Variants in NRIP1 observed in about 807,000 individuals in gnomAD.
NRIP1 encodes nuclear receptor-interacting protein 1.
In NRIP1, 28 loss-of-function variants were observed where a neutral mutation model predicts 75.0. The observed-to-expected ratio is 0.37, with a 90% CI of 0.28 to 0.51. The LOEUF (loss-of-function observed/expected upper bound fraction) is 0.51, where lower values mean the gene tolerates loss of function less well. NRIP1 is among the 20% of genes least tolerant of loss of function. The pLI is 0.92. For synonymous variants in NRIP1, 526 were observed against 487.6 expected (o/e 1.08, Z -1.04); for missense variants, 1,435 against 1,343.7 (o/e 1.07, Z -1.06).
chr21:15,048,568 A>G (rs557939352), intron 1 of NRIP1, among the ~76,000 whole-genome samples: 1 of 152,326 alleles, frequency 6.6e-6, no homozygotes, highest in Admixed American at 6.5e-5. Context: ...TAAAGGAAAA[A>G]CAAAAAGCAT....
At chr21:15,046,540 A>C (rs1489729245) in intron 1 of NRIP1, among the ~76,000 whole-genome samples, 1 of 152,186 alleles carries the variant, frequency 6.6e-6, no homozygotes, top group African/African-American at 2.4e-5. Flanking sequence ...TAAGGGGCTT[A>C]GGATTTTTGG....
At chr21:15,038,876 G>A (rs1419270605) in intron 2 of NRIP1, among the ~76,000 whole-genome samples, 1 of 152,054 alleles carries the variant, frequency 6.6e-6, no homozygotes, top group African/African-American at 2.4e-5. Flanking sequence ...CCTCAGACTA[G>A]CTTCTTCAGA....
intron 3 of NRIP1, among the ~76,000 whole-genome samples, chr21:15,006,257 T>C (rs2087969818): frequency 6.6e-6 from 1 of 152,172 alleles, no homozygotes; most frequent in Non-Finnish European, 1.5e-5. Flanking sequence ...AACATCAGCA[T>C]GACATTTGAT....
chr21:14,986,104 T>C (rs911329961), intron 3 of NRIP1, among the ~76,000 whole-genome samples: 6 of 152,322 alleles, frequency 3.9e-5, no homozygotes, highest in Admixed American at 2.6e-4. Flanking sequence ...TGCCAAAGAA[T>C]TTGAGCCCTT....
At chr21:15,003,078 G>A (rs2087885930) in intron 3 of NRIP1, among the ~76,000 whole-genome samples, 1 of 151,834 alleles carries the variant, frequency 6.6e-6, no homozygotes, top group African/African-American at 2.4e-5. Flanking sequence ...ATTTTCACTT[G>A]GCTTATTTTT....
intron 2 of NRIP1, among the ~76,000 whole-genome samples, chr21:15,039,646 C>T (rs2088910757): frequency 2.6e-5 from 4 of 152,006 alleles, no homozygotes; most frequent in South Asian, 4.1e-4. Flanking sequence ...TGTAAACTTC[C>T]CTATTTTATT....
chr21:15,031,289 G>A lies in NRIP1; in HGVS notation c.-458+12206C>T, dbSNP rs62220723. The stretch of plus-strand genomic sequence containing the variant: ...TCTATGTGTATACACTCTGGAAGGC[G>A]GTTGGAGGTTCACCACATTCCCTTT... On this transcript the variant is annotated intron_variant, in intron 2 of 3. Transcript: ENST00000318948. 2.0e-3 allele frequency among the ~76,000 whole-genome samples: 289 copies of A among 146,602 alleles called. 2 individuals carry two copies. Among genetic ancestry groups the A allele is most frequent in the Admixed American group, 5.6e-3 (82 of 14,706 alleles).
At chr21:15,061,887 CT>C (rs921248447) in intron 1 of NRIP1, among the ~76,000 whole-genome samples, 4 of 152,194 alleles carry the variant, frequency 2.6e-5, no homozygotes, top group Non-Finnish European at 5.9e-5. Flanking sequence ...TCCCTCTGAT[CT>C]TTCTAGAGTC....
chr21:15,032,030 T>C (rs1007278936), intron 2 of NRIP1, among the ~76,000 whole-genome samples: 5 of 152,250 alleles, frequency 3.3e-5, no homozygotes, highest in African/African-American at 1.2e-4. Context: ...GTATACACTC[T>C]GGAAGGCGCT....
chr21:14,999,177 A>G (rs1286180996), intron 3 of NRIP1, among the ~76,000 whole-genome samples: 1 of 151,972 alleles, frequency 6.6e-6, no homozygotes, highest in African/African-American at 2.4e-5. Flanking sequence ...GGGTCTTACT[A>G]TGGTGCCCAG....
At position 15,058,542 on chromosome 21, in the gene NRIP1, T is replaced by G. The variant is rs2089354105; in HGVS notation, c.-538+6203A>C. On this transcript the variant is annotated intron_variant, in intron 1 of 3. Coordinates refer to ENST00000318948, the MANE Select transcript of NRIP1 (RefSeq NM_003489.4). The stretch of plus-strand genomic sequence containing the variant: ...GCATGCTTCTCAGAAATCATTACAC[T>G]CTGTTAAACACTTGCTATCTCTCAA... Among the ~76,000 whole-genome samples, 5 of 152,298 alleles carry G rather than the reference T, an allele frequency of 3.3e-5. No homozygotes were observed. In the South Asian group the frequency reaches 8.3e-4, roughly 25 times the overall value.
chr21:14,985,989 A>ATTCG (rs2087389923), intron 3 of NRIP1, among the ~76,000 whole-genome samples: 1 of 152,220 alleles, frequency 6.6e-6, no homozygotes, highest in African/African-American at 2.4e-5. Flanking sequence ...GCCTTTATGC[A>ATTCG]AGAAAGGCTT....
intron 2 of NRIP1, among the ~76,000 whole-genome samples, chr21:15,037,476 C>T (rs2088861539): frequency 6.6e-6 from 1 of 152,030 alleles, no homozygotes; most frequent in Admixed American, 6.5e-5. Context: ...AAGATACAAC[C>T]CCCTCCATCT....
At chr21:15,027,151 T>C (rs939825825) in intron 2 of NRIP1, among the ~76,000 whole-genome samples, 10 of 152,190 alleles carry the variant, frequency 6.6e-5, no homozygotes, top group African/African-American at 2.4e-4. Flanking sequence ...AAAACCAGTA[T>C]TATTTAAAAG....
At chr21:15,065,738 C>G (rs916568540), upstream of NRIP1, 3 of 152,350 alleles carry the variant, frequency 2.0e-5, no homozygotes, top group East Asian at 1.9e-4. Flanking sequence ...AGGAGCGCCC[C>G]GCTCAGCTCC....
At chr21:15,020,078 G>T (rs1470083594) in intron 2 of NRIP1, among the ~76,000 whole-genome samples, 1 of 151,834 alleles carries the variant, frequency 6.6e-6, no homozygotes. Context: ...CTACCTAAAT[G>T]CCATCGTAAT....
intron 3 of NRIP1, among the ~76,000 whole-genome samples, chr21:15,004,076 C>T (rs2087910597): frequency 6.6e-6 from 1 of 152,182 alleles, no homozygotes; most frequent in South Asian, 2.1e-4. Context: ...CACACCTTTT[C>T]ATTTCATGGA....
chr21:15,029,713 A>C (rs2088599022), intron 2 of NRIP1, among the ~76,000 whole-genome samples: 1 of 152,078 alleles, frequency 6.6e-6, no homozygotes, highest in Non-Finnish European at 1.5e-5. Context: ...GTGCTTTGAG[A>C]GGCTGAGGCA....
rs1163216360 is a variant in NRIP1 at position 15,015,426 on chromosome 21, C to T, written c.-457-960G>A. 2.0e-5 allele frequency among the ~76,000 whole-genome samples: 3 copies of T among 152,136 alleles called. No individual in the cohort carries two copies. In the East Asian group the frequency reaches 5.8e-4, roughly 29 times the overall value. On this transcript the variant is annotated intron_variant, in intron 2 of 3. Transcript: ENST00000318948. Reference sequence around the variant, plus strand: ...ATAAAACTGTAACAAAAATTAAATGCCTTAACATGTTATATGTCCGTTGAT... The same window carrying T: ...ATAAAACTGTAACAAAAATTAAATGTCTTAACATGTTATATGTCCGTTGAT...
Sources: gnomAD v4.1 joint callset for allele counts (sites outside exome capture counted in the v4.1 genomes callset) on GRCh38, gnomAD v4.1.1 for gene constraint, MANE v1.5 for transcripts, NCBI Gene and HGNC (gene_info 2026-07-23, HGNC 2026-07-21) for gene names.